Variants in XYLT1 observed in about 807,000 individuals in gnomAD.
XYLT1 encodes the protein xylosyltransferase 1.
A neutral mutation model predicts 91.3 loss-of-function variants in XYLT1; 36 were observed. The ratio of observed to expected loss-of-function variants is 0.39; its 90% CI spans 0.30 to 0.52. XYLT1 has a LOEUF of 0.52. Among genes scored for constraint, XYLT1 ranks in the 20% least tolerant of loss-of-function variants. The probability of loss-of-function intolerance (pLI) is 0.68; values close to 1 mark genes in which losing one functional copy is unlikely to be tolerated. For missense variants in XYLT1, 1,242 were observed against 1,284.5 expected, an observed-to-expected ratio of 0.97 and a Z score of 0.51; for synonymous variants, 588 against 532.0, an observed-to-expected ratio of 1.11 and a Z score of -1.45.
At chr16:17,164,613 A>C (rs1041586762) in intron 5 of XYLT1, among the ~76,000 whole-genome samples, 2 of 152,182 alleles carry the variant, frequency 1.3e-5, no homozygotes, top group African/African-American at 4.8e-5. Flanking sequence ...ACATAAGTGG[A>C]ATTGTACAGG....
Position 17,141,235 on chromosome 16 carries a change from A to G in XYLT1, c.1505T>C (p.Phe502Ser). Reference protein sequence around the residue: ...GSDWFLLNRRFVEYVTFSTDD... With the variant: ...GSDWFLLNRRSVEYVTFSTDD... ...TGTGGAGAAGGTCACATATTCTACA[A>G]ACCTCCGGTTCAGCAGGAACCAGTC... is the stretch of plus-strand genomic sequence containing the variant. The change falls in exon 7 of 12, where the codon TTT (phenylalanine) becomes TCT (serine). Residue 502 changes from phenylalanine to serine, a missense_variant. Physicochemically the swap from Phe to Ser is radical, Grantham distance 155. Coordinates refer to ENST00000261381, the MANE Select transcript of XYLT1 (RefSeq NM_022166.4). 6.2e-7 allele frequency: 1 copy of G among 1,614,238 alleles called. No homozygotes were observed. Among genetic ancestry groups the G allele is most frequent in the Non-Finnish European group, 8.5e-7 (1 of 1,180,044 alleles).
chr16:17,456,684 T>C (rs1372803694), intron 1 of XYLT1, among the ~76,000 whole-genome samples: 1 of 152,160 alleles, frequency 6.6e-6, no homozygotes, highest in Non-Finnish European at 1.5e-5. Flanking sequence ...GAAAACCTAA[T>C]GGGAGTTGTT....
At chr16:17,173,702 G>A (rs1223850452) in intron 5 of XYLT1, among the ~76,000 whole-genome samples, 3 of 152,264 alleles carry the variant, frequency 2.0e-5, no homozygotes, top group Admixed American at 2.0e-4. Context: ...GTCCAGCTGA[G>A]ACGAGCCTAA....
intron 3 of XYLT1, among the ~76,000 whole-genome samples, chr16:17,243,927 C>A (rs77509364): frequency 1.3e-5 from 2 of 152,160 alleles, no homozygotes; most frequent in Non-Finnish European, 2.9e-5. Context: ...TGCTTGGCCA[C>A]GGCACCATGG....
intron 1 of XYLT1, among the ~76,000 whole-genome samples, chr16:17,394,213 C>T (rs2035856510): frequency 6.6e-6 from 1 of 152,200 alleles, no homozygotes; most frequent in Non-Finnish European, 1.5e-5. Context: ...TCTCACTGCT[C>T]TAGCCACATT....
In XYLT1 at chr16:17,372,517, C is replaced by T. The variant is rs142987575; in HGVS notation, c.364-14467G>A. ...TTCCATCAGTGTGAGGACTACAACT[C>T]TCCCAATGCTAATGTTCAAGAACAA... On this transcript the variant is annotated intron_variant, in intron 1 of 11. Coordinates refer to ENST00000261381, the MANE Select transcript of XYLT1 (RefSeq NM_022166.4). Among the ~76,000 whole-genome samples, 818 of 152,320 alleles carry T rather than the reference C, an allele frequency of 5.4e-3. 9 individuals are homozygous for T. Among genetic ancestry groups the T allele is most frequent in the African/African-American group, 0.019 (792 of 41,572 alleles).
intron 5 of XYLT1, among the ~76,000 whole-genome samples, chr16:17,182,437 G>A (rs1247779764): frequency 6.6e-6 from 1 of 152,050 alleles, no homozygotes; most frequent in Non-Finnish European, 1.5e-5. Context: ...ATAGGATCAG[G>A]GCTCCATGCT....
intron 2 of XYLT1, among the ~76,000 whole-genome samples, chr16:17,321,707 G>A (rs2141830566): frequency 6.6e-6 from 1 of 152,214 alleles, no homozygotes; most frequent in East Asian, 1.9e-4. Flanking sequence ...GGGCAATTTT[G>A]CCCTGTAGGG....
At chr16:17,445,086 G>A (rs1236986710) in intron 1 of XYLT1, among the ~76,000 whole-genome samples, 1 of 152,152 alleles carries the variant, frequency 6.6e-6, no homozygotes, top group Non-Finnish European at 1.5e-5. Flanking sequence ...TACAACCTTT[G>A]CCTCCAGGGC....
chr16:17,228,769 A>G (rs1870256), intron 3 of XYLT1, among the ~76,000 whole-genome samples: 4,840 of 152,090 alleles, frequency 0.032, 120 homozygotes, highest in South Asian at 0.1. Context: ...AACAACAATC[A>G]TTTTTACATG....
chr16:17,157,785 C>T (rs1023728564), intron 6 of XYLT1, among the ~76,000 whole-genome samples: 1 of 152,260 alleles, frequency 6.6e-6, no homozygotes, highest in Non-Finnish European at 1.5e-5. Flanking sequence ...GTCTCACTCT[C>T]TTGCCCAGGG....
At chr16:17,290,513 A>T (rs756732046) in intron 2 of XYLT1, among the ~76,000 whole-genome samples, 10 of 152,266 alleles carry the variant, frequency 6.6e-5, no homozygotes, top group Non-Finnish European at 1.5e-4. Context: ...GCATGGAAGT[A>T]CCAGCAGATC....
intron 6 of XYLT1, among the ~76,000 whole-genome samples, chr16:17,147,774 C>T (rs1452097886): frequency 6.6e-6 from 1 of 152,084 alleles, no homozygotes; most frequent in Non-Finnish European, 1.5e-5. Context: ...TTTTTCTTCC[C>T]TTTCTTTACC....
At chr16:17,425,205 T>G (rs1253250124) in intron 1 of XYLT1, among the ~76,000 whole-genome samples, 1 of 152,082 alleles carries the variant, frequency 6.6e-6, no homozygotes, top group Non-Finnish European at 1.5e-5. Context: ...TCAATAAAAT[T>G]TTACTCAGCG....
intron 3 of XYLT1, among the ~76,000 whole-genome samples, chr16:17,244,820 T>C (rs912289449): frequency 6.6e-5 from 10 of 152,218 alleles, no homozygotes; most frequent in African/African-American, 2.4e-4. Flanking sequence ...CCCAGAGTTA[T>C]ATGGTCAGCT....
rs1358308428 is a variant in XYLT1, at chr16:17,232,917, C to T, written c.913+26071G>A. 4.6e-5 allele frequency among the ~76,000 whole-genome samples: 7 copies of T among 152,190 alleles called. No homozygotes were observed. In the East Asian group the frequency reaches 9.7e-4, roughly 21 times the overall value. On this transcript the variant is annotated intron_variant, in intron 3 of 11. Transcript: ENST00000261381. ...GCCTACTTATTTATCTCAAAGACTA[C>T]GACGTTTTCACTGATTGCCCCCTTT...
At position 17,105,455 on chromosome 16, in the gene XYLT1, G is replaced by A. The variant is rs570915014; in HGVS notation, c.*3240C>T. 9.2e-5 allele frequency: 14 copies of A among 152,268 alleles called. No homozygotes were observed. Among genetic ancestry groups the A allele is most frequent in the Admixed American group, 2.6e-4 (4 of 15,300 alleles). 9.4% of individuals were successfully genotyped at this position (152,268 alleles called of 1,614,324 possible). A position where few individuals can be genotyped will look rare whatever the true frequency, so the allele number is the denominator to read the frequency against. ...TTCCCCTGCAAAGGGAGAAAGCAGC[G>A]CGCTTCTCACAACACGGGGACCTTG... On this transcript the variant is annotated 3_prime_UTR_variant, in exon 12 of 12. Transcript: ENST00000261381.
intron 1 of XYLT1, among the ~76,000 whole-genome samples, chr16:17,423,016 G>A (rs2036267979): frequency 6.6e-6 from 1 of 152,208 alleles, no homozygotes; most frequent in African/African-American, 2.4e-5. Context: ...GTACAGACTA[G>A]CAGTACGTCG....
At chr16:17,358,124 TCTTTC>T (rs1156378720) in intron 1 of XYLT1, 74 bp from the exon 2 acceptor site, 1 of 1,466,142 alleles carries the variant, frequency 6.8e-7, no homozygotes, top group Non-Finnish European at 9.2e-7. Flanking sequence ...TCTTTTTCTT[TCTTTC>T]CTTTTTTTTT....
Sources: allele counts gnomAD v4.1 joint callset (sites outside exome capture counted in the v4.1 genomes callset), GRCh38; gene constraint gnomAD v4.1.1; transcripts MANE v1.5; gene names NCBI Gene and HGNC (gene_info 2026-07-23, HGNC 2026-07-21).